Variants in DNAJB1 observed in about 807,000 individuals in gnomAD.
DNAJB1 encodes the protein DnaJ heat shock protein family (Hsp40) member B1, also known as dnaJ homolog subfamily B member 1.
Under a neutral mutation model 24.0 loss-of-function variants are expected in DNAJB1, and 14 were observed. The observed-to-expected ratio is 0.58, with a 90% confidence interval of 0.39 to 0.91. The LOEUF is 0.91. Ranked by LOEUF, DNAJB1 falls within the 40% of genes least tolerant of loss-of-function variation. DNAJB1 has a pLI of 0.00. For missense variants in DNAJB1, 517 were observed against 458.1 expected (o/e 1.13, Z -1.17); for synonymous variants, 262 against 174.4 (o/e 1.50, Z -3.96).
chr19:14,536,496 C>G (rs1257937000), intron 1 of DNAJB1, among the ~76,000 whole-genome samples: 5 of 152,252 alleles, frequency 3.3e-5, no homozygotes, highest in Middle Eastern at 3.4e-3. Flanking sequence ...TCTTGAACTC[C>G]TGACCTTAAG....
At chr19:14,521,118 A>C (rs1281915136), upstream of DNAJB1, among the ~76,000 whole-genome samples, 2 of 152,178 alleles carry the variant, frequency 1.3e-5, no homozygotes, top group African/African-American at 4.8e-5. Flanking sequence ...GCAGCCTCCA[A>C]AGGCTTTAAC....
intron 1 of DNAJB1, among the ~76,000 whole-genome samples, chr19:14,559,507 G>A (rs2146622890): frequency 6.6e-6 from 1 of 151,936 alleles, no homozygotes; most frequent in East Asian, 1.9e-4. Context: ...ATAATTATAG[G>A]CCGGGCCAGG....
At chr19:14,518,697 G>A (rs909504093), upstream of DNAJB1, among the ~76,000 whole-genome samples, 15 of 152,048 alleles carry the variant, frequency 9.9e-5, no homozygotes, top group Non-Finnish European at 2.2e-4. Flanking sequence ...TCTCTACGCG[G>A]CCCCAGCTAC....
At chr19:14,522,941 C>T (rs377591753), upstream of DNAJB1, among the ~76,000 whole-genome samples, 30 of 152,082 alleles carry the variant, frequency 2.0e-4, no homozygotes, top group African/African-American at 5.8e-4. Context: ...AGGCCGGGTG[C>T]GGTGGCTCAT....
chr19:14,550,837 T>C (rs2073474640), upstream of DNAJB1, among the ~76,000 whole-genome samples: 1 of 151,818 alleles, frequency 6.6e-6, no homozygotes, highest in South Asian at 2.1e-4. Flanking sequence ...CGTACCACTA[T>C]GCCCAGCTAA....
upstream of DNAJB1, among the ~76,000 whole-genome samples, chr19:14,534,657 G>A (rs988063625): frequency 1.2e-4 from 18 of 151,922 alleles, no homozygotes; most frequent in African/African-American, 7.3e-5. Context: ...GGCTGGTCTC[G>A]AACTCCTGGG....
upstream of DNAJB1, among the ~76,000 whole-genome samples, chr19:14,518,828 C>T (rs962334483): frequency 1.3e-5 from 2 of 152,266 alleles, no homozygotes; most frequent in Non-Finnish European, 2.9e-5. Context: ...AACCTGCTCG[C>T]CCTTGTCTCG....
intron 1 of DNAJB1, among the ~76,000 whole-genome samples, chr19:14,536,236 C>G (rs1265643072): frequency 6.6e-6 from 1 of 151,592 alleles, no homozygotes; most frequent in African/African-American, 2.4e-5. Flanking sequence ...GGTTTGGAGC[C>G]CACGGGCAAG....
At chr19:14,542,024 C>G (rs1225426565) in intron 1 of DNAJB1, among the ~76,000 whole-genome samples, 1 of 152,176 alleles carries the variant, frequency 6.6e-6, no homozygotes, top group Non-Finnish European at 1.5e-5. Flanking sequence ...CTCAAGTGAT[C>G]CGCCCACCTC....
At chr19:14,551,595 C>G (rs1431286829), upstream of DNAJB1, among the ~76,000 whole-genome samples, 1 of 152,132 alleles carries the variant, frequency 6.6e-6, no homozygotes, top group Non-Finnish European at 1.5e-5. Flanking sequence ...CATTGGCTGT[C>G]TTAGCTAGTG....
At chr19:14,550,752 C>T (rs1381010762), upstream of DNAJB1, among the ~76,000 whole-genome samples, 1 of 152,136 alleles carries the variant, frequency 6.6e-6, no homozygotes, top group Non-Finnish European at 1.5e-5. Flanking sequence ...GTGATCTCAG[C>T]TCACTGCAAC....
At chr19:14,551,114 C>T (rs1350633701), upstream of DNAJB1, among the ~76,000 whole-genome samples, 1 of 151,894 alleles carries the variant, frequency 6.6e-6, no homozygotes, top group African/African-American at 2.4e-5. Flanking sequence ...CTTTGTCACC[C>T]AGGCTGGAGT....
Position 14,516,535 on chromosome 19 carries a change from G to T in DNAJB1, c.723C>A (p.Asp241Glu). 1 of 1,614,218 alleles carries T rather than the reference G, an allele frequency of 6.2e-7. No individual in the cohort carries two copies. Among genetic ancestry groups the T allele is most frequent in the South Asian group, 1.1e-5 (1 of 91,084 alleles). ...CTCTCTTAAAGATATTGTGGGGCTT[G>T]TCCTTTAAAACAAAGACGATATCAG... ...IPADIVFVLKDKPHNIFKRDG... is the reference protein window; with the variant it reads ...IPADIVFVLKEKPHNIFKRDG... Residue 241 changes from aspartate (D) to glutamate (E), a missense_variant, in exon 2 of 3, where the codon GAC becomes GAA. Asp to Glu is a conservative substitution (Grantham distance 45). Coordinates refer to ENST00000254322, the MANE Select transcript of DNAJB1 (RefSeq NM_006145.3).
chr19:14,529,169 C>G (rs1386177150), intron 1 of DNAJB1: 3 of 219,676 alleles, frequency 1.4e-5, no homozygotes, highest in African/African-American at 6.8e-5. Context: ...CAGCCCCTAG[C>G]CCTCTCCTGC....
intron 1 of DNAJB1, among the ~76,000 whole-genome samples, chr19:14,557,361 G>A (rs911830379): frequency 9.3e-5 from 14 of 150,926 alleles, no homozygotes; most frequent in Non-Finnish European, 2.1e-4. Flanking sequence ...GGCTGGTCTC[G>A]AACTCCTGGC....
At chr19:14,521,780 C>G (rs1568383327), upstream of DNAJB1, among the ~76,000 whole-genome samples, 1 of 152,132 alleles carries the variant, frequency 6.6e-6, no homozygotes, top group Admixed American at 6.5e-5. Flanking sequence ...TGCGACCATG[C>G]CTGGCTAATT....
intron 1 of DNAJB1, among the ~76,000 whole-genome samples, chr19:14,558,422 T>A (rs1041230455): frequency 6.6e-6 from 1 of 152,060 alleles, no homozygotes; most frequent in Non-Finnish European, 1.5e-5. Flanking sequence ...TCTTGCAGGG[T>A]GCGCTTCACG....
intron 1 of DNAJB1, among the ~76,000 whole-genome samples, chr19:14,547,712 G>A (rs2073352902): frequency 6.7e-6 from 1 of 149,866 alleles, no homozygotes; most frequent in Admixed American, 6.7e-5. Context: ...AGGTTGGAGT[G>A]CAATGGTGCT....
At chr19:14,518,566 C>T (rs940706310), upstream of DNAJB1, 6 of 370,856 alleles carry the variant, frequency 1.6e-5, no homozygotes, top group African/African-American at 6.3e-5. Context: ...CAACGGCCGC[C>T]CGCGCGGGGC....
Sources: gnomAD v4.1 joint callset for allele counts (sites outside exome capture counted in the v4.1 genomes callset) on GRCh38, gnomAD v4.1.1 for gene constraint, MANE v1.5 for transcripts, NCBI Gene and HGNC (gene_info 2026-07-23, HGNC 2026-07-21) for gene names.